Variants in CPEB2 observed in about 807,000 individuals in gnomAD.
CPEB2 encodes cytoplasmic polyadenylation element binding protein 2, also known as cytoplasmic polyadenylation element-binding protein 2.
CPEB2 carries 56 observed loss-of-function variants against 93.6 expected under a neutral mutation model. The observed-to-expected ratio is 0.60, with a 90% CI of 0.48 to 0.75. CPEB2 has a LOEUF of 0.75. Ranked by LOEUF, CPEB2 falls within the 30% of genes least tolerant of loss-of-function variation. CPEB2 has a pLI of 0.00. For synonymous variants in CPEB2, 764 were observed against 586.3 expected (o/e 1.30, Z -4.38); for missense variants, 1,579 against 1,395.1 (o/e 1.13, Z -2.10).
intron 11 of CPEB2, 27 bp from the exon 12 acceptor site, chr4:15,066,126 T>C: frequency 6.3e-7 from 1 of 1,581,668 alleles, no homozygotes; most frequent in Non-Finnish European, 8.7e-7. Flanking sequence ...CAGACCCTAA[T>C]GAGACTTAAC....
At chr4:15,055,660 T>G (rs2702578) in intron 8 of CPEB2, among the ~76,000 whole-genome samples, 25,063 of 152,106 alleles carry the variant, frequency 0.16, 2,691 homozygotes, top group African/African-American at 0.3. Flanking sequence ...TATTCCTTAC[T>G]TACCTGCATA....
intron 4 of CPEB2, 21 bp downstream of exon 4, chr4:15,017,299 ATATATGTT>A: frequency 7.9e-7 from 1 of 1,260,236 alleles, no homozygotes; most frequent in South Asian, 1.3e-5. Flanking sequence ...TTTTAAAAAA[ATATATGTT>A]TATATTATAC....
In CPEB2 at chr4:15,004,164, GC is replaced by G; in HGVS notation, c.1496del (p.Pro499LeufsTer7). ...GCGGCCCCTTCTCGGCTACCGCTGT[GC>G]CCCCTCCGCCGCCGCCCGCCATGAA... ...FGGPFSATAVPPPPPPAMNIP... is the reference protein window; with the variant it reads ...FGGPFSATAVXPPPPPAMNIP... On this transcript the variant is annotated frameshift_variant, in exon 1 of 12. Coordinates refer to ENST00000538197, the MANE Select transcript of CPEB2 (RefSeq NM_001177382.2). LOFTEE classifies it high-confidence loss of function. 7.0e-7 allele frequency: 1 copy of G among 1,422,296 alleles called. No homozygotes were observed. The highest frequency in any genetic ancestry group is 9.1e-7 in the Non-Finnish European group (1 of 1,095,756). 88.1% of individuals were successfully genotyped at this position (1,422,296 alleles called of 1,614,324 possible).
At position 15,068,109 on chromosome 4, in the gene CPEB2, TAA is replaced by T. The variant is rs889245308; in HGVS notation, c.*1730_*1731del. On this transcript the variant is annotated 3_prime_UTR_variant, in exon 12 of 12. Transcript: ENST00000538197. ...TAAATGTTTTTTAAAAATGCAGAAC[TAA>T]GATTTTTGACTCTAAAGAGAGAAAA... The T allele has an allele frequency of 2.0e-4, 31 of 152,488 alleles. No individual in the cohort carries two copies. Among genetic ancestry groups the T allele is most frequent in the African/African-American group, 6.7e-4 (28 of 41,546 alleles). 9.4% of individuals were successfully genotyped at this position (152,488 alleles called of 1,614,324 possible).
intron 4 of CPEB2, among the ~76,000 whole-genome samples, chr4:15,031,510 A>G (rs565454775): frequency 1.4e-4 from 21 of 152,210 alleles, no homozygotes; most frequent in Non-Finnish European, 2.8e-4. Context: ...ACTCATACCA[A>G]GGTATCACAA....
intron 6 of CPEB2, among the ~76,000 whole-genome samples, chr4:15,049,927 C>A (rs746256635): frequency 1.3e-5 from 2 of 152,168 alleles, no homozygotes; most frequent in Admixed American, 6.5e-5. Context: ...CCAACCCATT[C>A]TGTTCAGGCT....
Position 15,014,094 on chromosome 4 carries a change from A to G in CPEB2, c.2035-3094A>G, listed in dbSNP as rs559701777. Among the ~76,000 whole-genome samples the G allele has an allele frequency of 3.3e-5, 5 of 152,192 alleles. No individual in the cohort carries two copies. The East Asian group carries it at 7.7e-4, about 23-fold the overall frequency. On this transcript the variant is annotated intron_variant, in intron 3 of 11. Transcript: ENST00000538197. Reference sequence around the variant, plus strand: ...ACCCGAGCAATAATTTTACCATGCTATAGAGCAAGATCACACCTCTTGCAA... The same window carrying G: ...ACCCGAGCAATAATTTTACCATGCTGTAGAGCAAGATCACACCTCTTGCAA...
intron 1 of CPEB2, chr4:15,005,109 C>A (rs1400096470): frequency 1.3e-5 from 2 of 152,132 alleles, no homozygotes; most frequent in Non-Finnish European, 2.9e-5. Context: ...CGACCGCCCT[C>A]CTCGCAGGAC....
chr4:15,042,658 A>T (rs1053807863), intron 6 of CPEB2, among the ~76,000 whole-genome samples: 1 of 152,204 alleles, frequency 6.6e-6, no homozygotes, highest in Non-Finnish European at 1.5e-5. Flanking sequence ...TGAAAGGCAC[A>T]CTCATTAGAA....
At chr4:15,010,004 A>T (rs1450763856) in intron 3 of CPEB2, among the ~76,000 whole-genome samples, 1 of 152,218 alleles carries the variant, frequency 6.6e-6, no homozygotes, top group East Asian at 1.9e-4. Context: ...AGATAAACTT[A>T]TCTGGTAAAC....
intron 4 of CPEB2, among the ~76,000 whole-genome samples, chr4:15,025,150 T>A (rs1031794077): frequency 7.2e-5 from 11 of 152,176 alleles, no homozygotes; most frequent in Non-Finnish European, 1.6e-4. Context: ...TTTTGTCTCT[T>A]GTTTTGCATT....
At chr4:15,062,853 AAG>A (rs1729325489) in intron 11 of CPEB2, among the ~76,000 whole-genome samples, 1 of 152,090 alleles carries the variant, frequency 6.6e-6, no homozygotes, top group Admixed American at 6.6e-5. Context: ...TCATCACAAT[AAG>A]AACTTGTAAG....
At chr4:15,021,319 A>G (rs993123583) in intron 4 of CPEB2, among the ~76,000 whole-genome samples, 4 of 152,178 alleles carry the variant, frequency 2.6e-5, no homozygotes, top group African/African-American at 9.7e-5. Context: ...GGATTCTTTA[A>G]ATGGTTAAAG....
intron 4 of CPEB2, among the ~76,000 whole-genome samples, chr4:15,032,374 G>A (rs969189391): frequency 3.9e-5 from 6 of 152,050 alleles, no homozygotes; most frequent in African/African-American, 1.4e-4. Flanking sequence ...CTTGCTATTG[G>A]CATTTATCAA....
chr4:15,065,531 T>A (rs1012831479), intron 11 of CPEB2, among the ~76,000 whole-genome samples: 2 of 152,102 alleles, frequency 1.3e-5, no homozygotes, highest in Non-Finnish European at 2.9e-5. Context: ...TCTGACAGGA[T>A]CTGTTATTCC....
chr4:15,057,482 G>A (rs2604581), intron 8 of CPEB2, among the ~76,000 whole-genome samples: 24,034 of 152,010 alleles, frequency 0.16, 2,529 homozygotes, highest in African/African-American at 0.29. Flanking sequence ...TGTCTGCTTT[G>A]TACTGGGACT....
Position 15,004,091 on chromosome 4 carries a change from G to A in CPEB2, c.1418G>A (p.Cys473Tyr), listed in dbSNP as rs373750640. 1.5e-5 allele frequency: 23 copies of A among 1,563,356 alleles called. No homozygotes were observed. Among genetic ancestry groups the A allele is most frequent in the Admixed American group, 1.9e-5 (1 of 53,744 alleles). Reference sequence around the variant, plus strand: ...TTCTCGCCCGTGTCGCCGCACGGCTGCACTGGGCTCAGCGTTCCGACGAGC... The same window carrying A: ...TTCTCGCCCGTGTCGCCGCACGGCTACACTGGGCTCAGCGTTCCGACGAGC... ...PSFSPVSPHG[C>Y]TGLSVPTSGG... The change falls in exon 1 of 12, where the codon TGC becomes TAC. Residue 473 changes from cysteine to tyrosine, a missense_variant. Cys to Tyr is a radical substitution (Grantham distance 194). Transcript: ENST00000538197.
At chr4:15,023,626 A>T (rs1002045809) in intron 4 of CPEB2, among the ~76,000 whole-genome samples, 1 of 152,014 alleles carries the variant, frequency 6.6e-6, no homozygotes, top group East Asian at 1.9e-4. Flanking sequence ...TTAAAAATAT[A>T]TTTACATAAT....
intron 3 of CPEB2, among the ~76,000 whole-genome samples, chr4:15,012,204 C>T (rs546278001): frequency 6.6e-6 from 1 of 152,328 alleles, no homozygotes; most frequent in South Asian, 2.1e-4. Context: ...AGAATGGACT[C>T]TTGTATTACA....
Sources: gnomAD v4.1 joint callset for allele counts (sites outside exome capture counted in the v4.1 genomes callset) on GRCh38, gnomAD v4.1.1 for gene constraint, MANE v1.5 for transcripts, NCBI Gene and HGNC (gene_info 2026-07-23, HGNC 2026-07-21) for gene names.